ARFGEF2: variants seen among roughly 807,000 people sequenced by gnomAD.
ARFGEF2 encodes the protein ARF guanine nucleotide exchange factor 2.
Under a neutral mutation model 219.9 loss-of-function variants are expected in ARFGEF2, and 74 were observed. The observed-to-expected ratio is 0.34, with a 90% CI of 0.28 to 0.41. The LOEUF (loss-of-function observed/expected upper bound fraction) is 0.41. Ranked by LOEUF, ARFGEF2 falls within the 10% of genes least tolerant of loss-of-function variation. The pLI, the probability that ARFGEF2 is intolerant of heterozygous loss-of-function variation, is 1.00. For synonymous variants in ARFGEF2, 733 were observed against 799.2 expected (o/e 0.92, Z 1.40); for missense variants, 1,743 against 2,218.3 (o/e 0.79, Z 4.30).
chr20:49,011,514 C>T lies in ARFGEF2; in HGVS notation c.3758-410C>T, dbSNP rs906785582. Among the ~76,000 whole-genome samples, 6 of 152,206 alleles carry T rather than the reference C, an allele frequency of 3.9e-5. No homozygotes were observed. The East Asian group carries it at 9.6e-4, about 24-fold the overall frequency. ...GAACCAGGACTTGCACTCGGGCAGT[C>T]GAGCCCAGAGTTAGTTTAGTGTCCC... On this transcript the variant is annotated intron_variant, in intron 27 of 38. Transcript: ENST00000371917.
At chr20:48,961,027 C>A (rs1366696110) in intron 6 of ARFGEF2, among the ~76,000 whole-genome samples, 1 of 150,274 alleles carries the variant, frequency 6.7e-6, no homozygotes, top group African/African-American at 2.4e-5. Flanking sequence ...TTGCAGTGAA[C>A]CGAGATTGTG....
intron 3 of ARFGEF2, among the ~76,000 whole-genome samples, chr20:48,949,547 G>A (rs1247813955): frequency 6.6e-6 from 1 of 152,150 alleles, no homozygotes; most frequent in African/African-American, 2.4e-5. Context: ...GCAGCAGAGT[G>A]TACGCAGGCC....
chr20:48,992,930 G>GGAC (rs2091365452), intron 21 of ARFGEF2, among the ~76,000 whole-genome samples: 1 of 152,020 alleles, frequency 6.6e-6, no homozygotes, highest in South Asian at 2.1e-4. Flanking sequence ...CATGCCTGTA[G>GGAC]TCCCAGCTAC....
chr20:48,981,058 G>A (rs1435575137), intron 14 of ARFGEF2, among the ~76,000 whole-genome samples: 10 of 152,164 alleles, frequency 6.6e-5, no homozygotes, highest in African/African-American at 2.4e-4. Flanking sequence ...GTTAGTTGAT[G>A]CAGTTTCTTC....
At chr20:49,008,777 G>A (rs1210209903) in intron 26 of ARFGEF2, among the ~76,000 whole-genome samples, 1 of 138,790 alleles carries the variant, frequency 7.2e-6, no homozygotes, top group East Asian at 2.1e-4. Flanking sequence ...GTGCAATCTC[G>A]GCTCACTACA....
intron 28 of ARFGEF2, among the ~76,000 whole-genome samples, chr20:49,013,097 C>T (rs1157283340): frequency 1.3e-5 from 2 of 152,156 alleles, no homozygotes; most frequent in East Asian, 1.9e-4. Context: ...CTACCTGCCA[C>T]TTGGAATCCT....
rs2123598846 is a variant in ARFGEF2 at position 49,035,723 on chromosome 20, T to C, written c.*2524T>C. On this transcript the variant is annotated 3_prime_UTR_variant, in exon 39 of 39. Transcript: ENST00000371917. ...TGCTTTAAGTGTTGATTATATGTGC[T>C]GGGTCTCTAGAGAAGTTTTTATTTG... 2 of 153,282 alleles carry C rather than the reference T, an allele frequency of 1.3e-5. No individual in the cohort carries two copies. The highest frequency in any genetic ancestry group is 3.8e-4 in the East Asian group (2 of 5,230). The allele number at this position is 153,282 out of a possible 1,614,324, so 9.5% of individuals were successfully genotyped here.
intron 3 of ARFGEF2, among the ~76,000 whole-genome samples, chr20:48,948,992 C>T (rs967501438): frequency 2.0e-5 from 3 of 152,092 alleles, no homozygotes; most frequent in Non-Finnish European, 2.9e-5. Flanking sequence ...AAAATAATTA[C>T]GTTTGTCTTA....
At position 48,969,199 on chromosome 20, in the gene ARFGEF2, A is replaced by G; in HGVS notation, c.1112A>G (p.Gln371Arg). 1.2e-6 allele frequency: 2 copies of G among 1,614,210 alleles called. No homozygotes were observed. The highest frequency in any genetic ancestry group is 4.5e-5 in the East Asian group (2 of 44,886). Residue 371 changes from glutamine to arginine, a missense_variant, in exon 9 of 39, where the codon CAG becomes CGG. Physicochemically the swap from Gln to Arg is conservative, Grantham distance 43. Transcript: ENST00000371917. ...GCTGCCAGGTTCTCCCACGTTCTGC[A>G]GAAGGATGCCTTCCTTGTGTTCCGC... is the stretch of plus-strand genomic sequence containing the variant. Reference protein sequence around the residue: ...QVAARFSHVLQKDAFLVFRSL... With the variant: ...QVAARFSHVLRKDAFLVFRSL...
chr20:48,942,537 T>G (rs1568694410), intron 3 of ARFGEF2, among the ~76,000 whole-genome samples: 1 of 134,972 alleles, frequency 7.4e-6, no homozygotes, highest in Non-Finnish European at 1.5e-5. Flanking sequence ...CAGACTGGAG[T>G]GCAATGGCGC....
intron 9 of ARFGEF2, 39 bp downstream of exon 9, chr20:48,969,316 G>A: frequency 6.2e-7 from 1 of 1,613,836 alleles, no homozygotes; most frequent in Non-Finnish European, 8.5e-7. Context: ...TCAGTCCAAT[G>A]ATCCAGCAGC....
chr20:48,995,852 G>C lies in ARFGEF2; in HGVS notation c.3191G>C (p.Ser1064Thr). The change falls in exon 23 of 39, where the codon AGC becomes ACC. Residue 1064 changes from serine (S) to threonine (T), a missense_variant. Physicochemically the swap from Ser to Thr is moderately conservative, Grantham distance 58. Around this residue, in one of 5 missense-constraint regions of ARFGEF2, gnomAD observed 666 missense variants for 955.4 expected, o/e 0.70. Coordinates refer to ENST00000371917, the MANE Select transcript of ARFGEF2 (RefSeq NM_006420.3). ...TTCCAAGAATCGGTTGGTGAGACCA[G>C]CTCGCAGAGTGTGGTTGTAGCTGTG... Reference protein sequence around the residue: ...ASFQESVGETSSQSVVVAVDR... With the variant: ...ASFQESVGETTSQSVVVAVDR... The C allele has an allele frequency of 6.2e-6, 10 of 1,614,192 alleles. No homozygotes were observed. Among genetic ancestry groups the C allele is most frequent in the Non-Finnish European group, 8.5e-6 (10 of 1,180,024 alleles).
chr20:48,978,958 G>A (rs1041437861), intron 14 of ARFGEF2, among the ~76,000 whole-genome samples: 1 of 152,004 alleles, frequency 6.6e-6, no homozygotes. Flanking sequence ...GATTGAATAC[G>A]CTTTATTTCT....
rs188544672 is a variant in ARFGEF2 at position 49,004,984 on chromosome 20, T to C, written c.3433-86T>C. ...TTTCCCTGAATGTTTGTTTTGAAGG[T>C]AGGCTGTCCATCTTTGCTGTTGAGA... is the stretch of plus-strand genomic sequence containing the variant. On this transcript the variant is annotated intron_variant, in intron 25 of 38. Transcript: ENST00000371917. 717 of 1,438,690 alleles carry C rather than the reference T, an allele frequency of 5.0e-4. 1 individual carries two copies. The highest frequency in any genetic ancestry group is 6.6e-4 in the Non-Finnish European group (669 of 1,021,028). 89.1% of individuals were successfully genotyped at this position (1,438,690 alleles called of 1,614,324 possible).
chr20:49,019,405 A>C (rs1320258689), intron 34 of ARFGEF2, among the ~76,000 whole-genome samples: 2 of 152,214 alleles, frequency 1.3e-5, no homozygotes, highest in African/African-American at 4.8e-5. Context: ...AAATCAGTAC[A>C]TAAGGAGCTT....
chr20:48,938,919 A>G (rs1056298505), intron 1 of ARFGEF2, among the ~76,000 whole-genome samples: 1 of 148,080 alleles, frequency 6.8e-6, no homozygotes, highest in Non-Finnish European at 1.5e-5. Context: ...TCTGGCCTCC[A>G]TGGGCCTTTG....
intron 1 of ARFGEF2, among the ~76,000 whole-genome samples, chr20:48,940,104 C>G (rs562241928): frequency 6.6e-6 from 1 of 152,104 alleles, no homozygotes; most frequent in Non-Finnish European, 1.5e-5. Context: ...TTTAATGGTA[C>G]GAAACCTTGT....
intron 1 of ARFGEF2, among the ~76,000 whole-genome samples, chr20:48,935,239 G>A (rs1311875135): frequency 2.0e-5 from 3 of 152,176 alleles, no homozygotes; most frequent in East Asian, 3.9e-4. Context: ...AGGACCCTGC[G>A]GCCTTCCGCA....
At chr20:48,943,663 T>C (rs9973979) in intron 3 of ARFGEF2, among the ~76,000 whole-genome samples, 48,776 of 152,114 alleles carry the variant, frequency 0.32, 8,056 homozygotes, top group East Asian at 0.48. Flanking sequence ...CTCTAACTCC[T>C]GGGCTCAAAC....
Sources: gnomAD v4.1 joint callset for allele counts (sites outside exome capture counted in the v4.1 genomes callset) on GRCh38, gnomAD v4.1.1 for gene constraint, gnomAD v4.1.1 regional missense constraint, MANE v1.5 for transcripts, NCBI Gene and HGNC (gene_info 2026-07-23, HGNC 2026-07-21) for gene names.